The following TMPRSS5 variants were observed in gnomAD, a reference collection of about 807,000 sequenced individuals.
TMPRSS5 encodes the protein transmembrane protease serine 5.
A neutral mutation model predicts 59.7 loss-of-function variants in TMPRSS5; 45 were observed. That is an observed-to-expected ratio of 0.75 (90% CI 0.59 to 0.97). The LOEUF (loss-of-function observed/expected upper bound fraction) is 0.97, where lower values mean the gene tolerates loss of function less well. Among genes scored for constraint, TMPRSS5 ranks in the 50% least tolerant of loss-of-function variants. The probability of loss-of-function intolerance (pLI) is 0.00; values close to 1 mark genes in which losing one functional copy is unlikely to be tolerated. For missense variants in TMPRSS5, 585 were observed against 596.7 expected (o/e 0.98, Z 0.20); for synonymous variants, 225 against 232.0 (o/e 0.97, Z 0.27).
At chr11:113,692,965 C>T (rs1216082307) in intron 9 of TMPRSS5, 106 bp downstream of exon 9, 21 of 1,220,332 alleles carry the variant, frequency 1.7e-5, no homozygotes, top group Middle Eastern at 2.6e-4. Flanking sequence ...TTAAGGTTTA[C>T]AGTGTTCAGA....
chr11:113,690,729 G>T, intron 10 of TMPRSS5, 112 bp downstream of exon 10: 1 of 1,045,806 alleles, frequency 9.6e-7, no homozygotes, highest in Non-Finnish European at 1.4e-6. Context: ...TGATGCCAGG[G>T]AAAAACAGGG....
In TMPRSS5 at chr11:113,698,933, T is replaced by A; in HGVS notation, c.300A>T (p.Glu100Asp). Residue 100 changes from glutamate (E) to aspartate (D), a missense_variant, in exon 4 of 13, where the codon GAA becomes GAT. Glu to Asp is a conservative substitution (Grantham distance 45). Coordinates refer to ENST00000299882, the MANE Select transcript of TMPRSS5 (RefSeq NM_030770.4). ...TTTTGGGAAGTGCAGGGAGCAGAGCTTCCTCAGCGCTGGCCTCTGAGCAGC... is the reference window on the plus strand; with the variant it reads ...TTTTGGGAAGTGCAGGGAGCAGAGCATCCTCAGCGCTGGCCTCTGAGCAGC... ...TLSCSEASAE[E>D]ALLPALPKTV... is the part of the protein sequence containing the mutation. The A allele has an allele frequency of 6.3e-7, 1 of 1,594,096 alleles. No individual in the cohort carries two copies. The highest frequency in any genetic ancestry group is 1.3e-5 in the African/African-American group (1 of 74,716).
intron 4 of TMPRSS5, 24 bp from the exon 5 acceptor site, chr11:113,697,442 C>T: frequency 6.2e-7 from 1 of 1,611,646 alleles, no homozygotes. Flanking sequence ...ATGAAAACCA[C>T]ATGGGAGAGG....
At position 113,689,795 on chromosome 11, in the gene TMPRSS5, C is replaced by T; in HGVS notation, c.1329G>A (p.Glu443=). The T allele has an allele frequency of 1.2e-6, 2 of 1,610,068 alleles. No individual in the cohort carries two copies. Among genetic ancestry groups the T allele is most frequent in the Non-Finnish European group, 1.7e-6 (2 of 1,178,384 alleles). Residue 443 remains glutamate, a synonymous_variant, in exon 12 of 13, where the codon GAG becomes GAA. Transcript: ENST00000299882. ...NHPGVYAKVA[E]FLDWIHDTAQ... The stretch of plus-strand genomic sequence containing the variant: ...CAGTGTCATGGATCCAGTCCAGAAA[C>T]TCAGCTACCTTGGCGTAGACACCTG...
At chr11:113,699,256 T>TCTCTCTCTCC (rs1953037159) in intron 3 of TMPRSS5, among the ~76,000 whole-genome samples, 9 of 39,770 alleles carry the variant, frequency 2.3e-4, no homozygotes, top group Admixed American at 2.8e-4. Context: ...TCTCTCTCTC[T>TCTCTCTCTCC]CTCTCTCTCT....
intron 1 of TMPRSS5, among the ~76,000 whole-genome samples, chr11:113,704,634 C>T (rs914194522): frequency 6.6e-6 from 1 of 152,200 alleles, no homozygotes; most frequent in Admixed American, 6.5e-5. Context: ...AACAGAGAGA[C>T]TTTGCATCTG....
At chr11:113,694,354 G>A in intron 8 of TMPRSS5, 124 bp downstream of exon 8, 1 of 957,990 alleles carries the variant, frequency 1.0e-6, no homozygotes, top group African/African-American at 1.6e-5. Flanking sequence ...ACAAACACCA[G>A]TCTTACCCTT....
chr11:113,693,296 G>A (rs1329913408), intron 8 of TMPRSS5, 47 bp from the exon 9 acceptor site: 1 of 1,460,644 alleles, frequency 6.8e-7, no homozygotes, highest in South Asian at 1.4e-5. Context: ...GGCAGAAGAG[G>A]TGTTCCTAAG....
chr11:113,690,322 T>A lies in TMPRSS5; in HGVS notation c.1115A>T (p.Gln372Leu), dbSNP rs1464811807. The change falls in exon 11 of 13, where the codon CAG becomes CTG. Residue 372 changes from glutamine (Q) to leucine (L), a missense_variant. Transcript: ENST00000299882. ...GTACACGCAAGAGCTGTTGCAGAGC[T>A]GAGTGCTGAACAAGGGCACCACCGT... is the stretch of plus-strand genomic sequence containing the variant. ...QDTVVPLFST[Q>L]LCNSSCVYSG... 2.5e-6 allele frequency: 4 copies of A among 1,601,944 alleles called. No individual in the cohort carries two copies. The highest frequency in any genetic ancestry group is 3.4e-6 in the Non-Finnish European group (4 of 1,175,150).
intron 1 of TMPRSS5, among the ~76,000 whole-genome samples, chr11:113,701,324 T>C (rs924913416): frequency 6.8e-6 from 1 of 146,122 alleles, no homozygotes; most frequent in South Asian, 2.2e-4. Context: ...ACCAAAATAC[T>C]GATAGTGATA....
At chr11:113,697,010 A>G (rs753756961) in intron 5 of TMPRSS5, 39 bp from the exon 6 acceptor site, 1 of 1,445,900 alleles carries the variant, frequency 6.9e-7, no homozygotes, top group Non-Finnish European at 9.5e-7. Flanking sequence ...GGAAATCATA[A>G]CTGGAATATG....
intron 11 of TMPRSS5, 124 bp downstream of exon 11, chr11:113,690,107 T>C (rs1188502645): frequency 1.5e-6 from 2 of 1,373,744 alleles, no homozygotes; most frequent in African/African-American, 3.0e-5. Flanking sequence ...CCCCTCCTTC[T>C]AGAGAGGCTG....
At chr11:113,702,848 A>G (rs1402071554) in intron 1 of TMPRSS5, among the ~76,000 whole-genome samples, 1 of 152,226 alleles carries the variant, frequency 6.6e-6, no homozygotes, top group African/African-American at 2.4e-5. Context: ...GGGTGCACAG[A>G]AGTCAATAAC....
chr11:113,700,234 C>A (rs1467838952), intron 1 of TMPRSS5, 66 bp from the exon 2 acceptor site: 5 of 1,359,380 alleles, frequency 3.7e-6, no homozygotes, highest in Non-Finnish European at 4.9e-6. Context: ...AGTCACAGCC[C>A]AGTCCAAGTC....
intron 1 of TMPRSS5, among the ~76,000 whole-genome samples, chr11:113,702,453 T>A (rs1345407004): frequency 6.6e-6 from 1 of 152,088 alleles, no homozygotes; most frequent in African/African-American, 2.4e-5. Flanking sequence ...AAAGAGAGCA[T>A]AAAAGGTTGG....
intron 3 of TMPRSS5, among the ~76,000 whole-genome samples, chr11:113,699,231 C>T (rs951978523): frequency 1.7e-5 from 1 of 58,236 alleles, no homozygotes; most frequent in Non-Finnish European, 3.1e-5. Context: ...CTCTCTCTCT[C>T]TCTCTCTCTC....
intron 1 of TMPRSS5, among the ~76,000 whole-genome samples, chr11:113,701,623 T>C (rs1406299879): frequency 6.6e-6 from 1 of 152,066 alleles, no homozygotes; most frequent in Non-Finnish European, 1.5e-5. Context: ...ATATAGGACA[T>C]GAAGGTCACC....
chr11:113,689,997 G>T, intron 11 of TMPRSS5, 80 bp from the exon 12 acceptor site: 1 of 1,410,250 alleles, frequency 7.1e-7, no homozygotes, highest in Non-Finnish European at 9.5e-7. Flanking sequence ...ACTATGGCAA[G>T]TGGAATCTCC....
At chr11:113,697,145 A>G in intron 5 of TMPRSS5, 138 bp downstream of exon 5, 2 of 1,335,130 alleles carry the variant, frequency 1.5e-6, no homozygotes, top group Non-Finnish European at 2.1e-6. Flanking sequence ...TTGTGCCCAG[A>G]GGCCAGAAGA....
Sources: gnomAD v4.1 joint callset for allele counts (sites outside exome capture counted in the v4.1 genomes callset) on GRCh38, gnomAD v4.1.1 for gene constraint, MANE v1.5 for transcripts, NCBI Gene and HGNC (gene_info 2026-07-23, HGNC 2026-07-21) for gene names.